The following SBF2 variants were observed in gnomAD, a reference collection of about 807,000 sequenced individuals.
The protein encoded by SBF2 is myotubularin-related protein 13.
In SBF2, 112 loss-of-function variants were observed where a neutral mutation model predicts 225.2. That is an observed-to-expected ratio of 0.50 (90% CI 0.43 to 0.58). The LOEUF (loss-of-function observed/expected upper bound fraction) is 0.58. SBF2 is among the 20% of genes least tolerant of loss of function. SBF2 has a pLI of 0.00. For missense variants in SBF2, 1,996 were observed against 2,206.2 expected (o/e 0.90, Z 1.91); for synonymous variants, 763 against 773.3 (o/e 0.99, Z 0.22).
At chr11:9,934,857 T>A (rs1052648061) in intron 16 of SBF2, among the ~76,000 whole-genome samples, 7 of 152,172 alleles carry the variant, frequency 4.6e-5, no homozygotes, top group African/African-American at 1.4e-4. Flanking sequence ...TCATACTGAA[T>A]GGGCAAAAAC....
chr11:10,000,648 T>C (rs1293165443), intron 8 of SBF2, among the ~76,000 whole-genome samples: 1 of 152,178 alleles, frequency 6.6e-6, no homozygotes, highest in East Asian at 1.9e-4. Flanking sequence ...TCTTTTGTCA[T>C]ATGTAAGATG....
intron 9 of SBF2, among the ~76,000 whole-genome samples, 177 bp from the exon 10 acceptor site, chr11:9,994,175 T>C (rs1947565245): frequency 6.6e-6 from 1 of 152,146 alleles, no homozygotes; most frequent in Non-Finnish European, 1.5e-5. Flanking sequence ...AGACAAAATA[T>C]TCAGTTGAAA....
chr11:10,240,140 A>G (rs745621843), intron 1 of SBF2, among the ~76,000 whole-genome samples: 62 of 152,234 alleles, frequency 4.1e-4, no homozygotes, highest in Non-Finnish European at 7.2e-4. Flanking sequence ...AAGTAAGCTA[A>G]CTATACAGAC....
chr11:9,787,804 A>G, intron 35 of SBF2, 66 bp from the exon 36 acceptor site: 3 of 1,354,382 alleles, frequency 2.2e-6, no homozygotes, highest in Non-Finnish European at 3.2e-6. Flanking sequence ...CCAAAGCCAC[A>G]CTGCTTCTGT....
At chr11:9,808,609 C>G in intron 31 of SBF2, 1 of 415,434 alleles carries the variant, frequency 2.4e-6, no homozygotes, top group South Asian at 2.2e-5. Context: ...CTGACAAAAC[C>G]CAGGAAGGAT....
intron 17 of SBF2, among the ~76,000 whole-genome samples, chr11:9,875,076 G>A (rs1285146686): frequency 6.6e-6 from 1 of 152,162 alleles, no homozygotes; most frequent in African/African-American, 2.4e-5. Context: ...TGAGCCTCTA[G>A]AATGAGAGAC....
At chr11:10,202,018 GA>G (rs1246531790) in intron 1 of SBF2, among the ~76,000 whole-genome samples, 1 of 152,180 alleles carries the variant, frequency 6.6e-6, no homozygotes, top group Non-Finnish European at 1.5e-5. Context: ...GCAATTTAGA[GA>G]ATGTCAAGAT....
At chr11:9,880,698 C>T (rs1859691210) in intron 17 of SBF2, among the ~76,000 whole-genome samples, 1 of 152,194 alleles carries the variant, frequency 6.6e-6, no homozygotes, top group Non-Finnish European at 1.5e-5. Flanking sequence ...ATTACGTACT[C>T]CTTAGTGACC....
chr11:10,200,017 C>A (rs1229525804), intron 1 of SBF2, among the ~76,000 whole-genome samples: 1 of 152,156 alleles, frequency 6.6e-6, no homozygotes, highest in African/African-American at 2.4e-5. Context: ...CTATTGTAAT[C>A]CCAGCAATTT....
chr11:10,238,611 A>G lies in SBF2; in HGVS notation c.56-44624T>C, dbSNP rs373978004. On this transcript the variant is annotated intron_variant, in intron 1 of 39. Coordinates refer to ENST00000256190, the MANE Select transcript of SBF2 (RefSeq NM_030962.4). The stretch of plus-strand genomic sequence containing the variant: ...AAAATTGAGAGACACAAAGAGAAAA[A>G]GACAAATCCAAAATAACATGGCTGG... Among the ~76,000 whole-genome samples the G allele has an allele frequency of 4.8e-5, 7 of 144,656 alleles. No homozygotes were observed. The East Asian group carries it at 9.9e-4, about 20-fold the overall frequency. The allele number at this position is 144,656 out of a possible 152,430, so 94.9% of individuals were successfully genotyped here. A position where few individuals can be genotyped will look rare whatever the true frequency, so the allele number is the denominator to read the frequency against.
At chr11:10,212,770 G>A (rs117921392) in intron 1 of SBF2, among the ~76,000 whole-genome samples, 1,702 of 152,246 alleles carry the variant, frequency 0.011, 13 homozygotes, top group Non-Finnish European at 0.017. Flanking sequence ...TGTTACTCGC[G>A]GCAGGGCGCG....
intron 3 of SBF2, among the ~76,000 whole-genome samples, chr11:10,037,874 G>A (rs1045092154): frequency 6.6e-6 from 1 of 151,822 alleles, no homozygotes. Context: ...ATCTAGAGAC[G>A]AATTTATAAA....
chr11:10,273,206 T>C (rs1483472509), intron 1 of SBF2, among the ~76,000 whole-genome samples: 1 of 152,210 alleles, frequency 6.6e-6, no homozygotes, highest in Non-Finnish European at 1.5e-5. Context: ...TAATTATTAG[T>C]AGAAAGAACA....
At chr11:9,919,335 G>C (rs1293675370) in intron 16 of SBF2, among the ~76,000 whole-genome samples, 1 of 147,086 alleles carries the variant, frequency 6.8e-6, no homozygotes, top group African/African-American at 2.5e-5. Flanking sequence ...GCACCATCTT[G>C]GCTTGTAGTA....
chr11:10,101,206 C>T (rs752670949), intron 2 of SBF2, among the ~76,000 whole-genome samples: 5 of 152,126 alleles, frequency 3.3e-5, no homozygotes, highest in Admixed American at 6.5e-5. Flanking sequence ...ATCCACTCTT[C>T]GTCTTACCCA....
At chr11:9,976,135 G>A (rs1590658187) in intron 13 of SBF2, among the ~76,000 whole-genome samples, 3 of 145,800 alleles carry the variant, frequency 2.1e-5, no homozygotes, top group South Asian at 2.1e-4. Flanking sequence ...GTGCAATGAC[G>A]TGATCTCGGC....
intron 1 of SBF2, among the ~76,000 whole-genome samples, chr11:10,214,538 G>A (rs1420480024): frequency 6.6e-6 from 1 of 152,110 alleles, no homozygotes; most frequent in African/African-American, 2.4e-5. Context: ...CAGGATAATC[G>A]CTTGAACCTA....
At chr11:10,217,985 C>T (rs1392412461) in intron 1 of SBF2, among the ~76,000 whole-genome samples, 2 of 152,054 alleles carry the variant, frequency 1.3e-5, no homozygotes, top group African/African-American at 2.4e-5. Context: ...CTGCAACCCC[C>T]GCCTCCCAGG....
At chr11:10,124,260 C>G (rs1054588765) in intron 2 of SBF2, among the ~76,000 whole-genome samples, 4 of 152,094 alleles carry the variant, frequency 2.6e-5, no homozygotes, top group African/African-American at 7.2e-5. Flanking sequence ...ACAGTATCTA[C>G]CACAGTACAC....
Sources: allele counts gnomAD v4.1 joint callset (sites outside exome capture counted in the v4.1 genomes callset), GRCh38; gene constraint gnomAD v4.1.1; transcripts MANE v1.5; gene names NCBI Gene and HGNC (gene_info 2026-07-23, HGNC 2026-07-21).